Variants in LMBR1 observed in about 807,000 individuals in gnomAD.
LMBR1 encodes the protein limb development membrane protein 1.
LMBR1 carries 52 observed loss-of-function variants against 73.9 expected under a neutral mutation model. That is an observed-to-expected ratio of 0.70 (90% CI 0.56 to 0.89). The LOEUF is 0.89. Among genes scored for constraint, LMBR1 ranks in the 40% least tolerant of loss-of-function variants. The probability of loss-of-function intolerance (pLI) is 0.00; values close to 1 mark genes in which losing one functional copy is unlikely to be tolerated. For missense variants in LMBR1, 539 were observed against 579.8 expected, an observed-to-expected ratio of 0.93 and a Z score of 0.72; for synonymous variants, 215 against 209.4, an observed-to-expected ratio of 1.03 and a Z score of -0.23.
chr7:156,761,688 C>A (rs1328720167), intron 8 of LMBR1, among the ~76,000 whole-genome samples: 1 of 151,972 alleles, frequency 6.6e-6, no homozygotes, highest in East Asian at 1.9e-4. Flanking sequence ...AAACAAAAAA[C>A]TTAATAGGCC....
At chr7:156,726,423 A>C (rs1815772003) in intron 12 of LMBR1, among the ~76,000 whole-genome samples, 1 of 152,046 alleles carries the variant, frequency 6.6e-6, no homozygotes, top group African/African-American at 2.4e-5. Context: ...TTTCCTAAAC[A>C]ATTATCCCTA....
chr7:156,739,067 A>G (rs1818418869), intron 9 of LMBR1, among the ~76,000 whole-genome samples: 1 of 152,220 alleles, frequency 6.6e-6, no homozygotes, highest in African/African-American at 2.4e-5. Flanking sequence ...CAGCATTTCT[A>G]GACCTGCCCT....
chr7:156,879,663 C>CAA (rs751353773), intron 1 of LMBR1, among the ~76,000 whole-genome samples: 28,108 of 92,054 alleles, frequency 0.31, 3,896 homozygotes, highest in East Asian at 0.33. Flanking sequence ...GACTCTGTCT[C>CAA]AAAAAAAAAA....
intron 10 of LMBR1, among the ~76,000 whole-genome samples, chr7:156,731,736 A>G (rs2132466212): frequency 6.6e-6 from 1 of 152,296 alleles, no homozygotes; most frequent in Admixed American, 6.5e-5. Context: ...ATGAATTAGA[A>G]TACCAAAGAA....
chr7:156,880,880 T>C (rs1262480745), intron 1 of LMBR1, among the ~76,000 whole-genome samples: 2 of 152,202 alleles, frequency 1.3e-5, no homozygotes, highest in Admixed American at 6.5e-5. Context: ...CTCAAACTCC[T>C]GACCTCAGGC....
intron 5 of LMBR1, among the ~76,000 whole-genome samples, chr7:156,774,736 G>A (rs1293442004): frequency 6.6e-6 from 1 of 152,152 alleles, no homozygotes. Flanking sequence ...GGAGGCTGAG[G>A]CAGGAGAATC....
At chr7:156,890,253 G>C (rs10949611) in intron 1 of LMBR1, among the ~76,000 whole-genome samples, 69,679 of 151,920 alleles carry the variant, frequency 0.46, 16,175 homozygotes, top group East Asian at 0.61. Context: ...GAGAAAAGAA[G>C]AAGAGAACAT....
chr7:156,865,857 T>C (rs534480068), intron 1 of LMBR1, among the ~76,000 whole-genome samples: 19 of 152,268 alleles, frequency 1.2e-4, no homozygotes, highest in African/African-American at 4.1e-4. Context: ...TTTTAACAAA[T>C]GGTACTGGAA....
intron 4 of LMBR1, among the ~76,000 whole-genome samples, chr7:156,804,758 A>G (rs779475443): frequency 2.6e-5 from 4 of 152,010 alleles, no homozygotes; most frequent in Non-Finnish European, 5.9e-5. Context: ...TTTATAAGGT[A>G]TGTGATTTGT....
At chr7:156,781,474 G>A (rs1420409369) in intron 5 of LMBR1, among the ~76,000 whole-genome samples, 3 of 151,948 alleles carry the variant, frequency 2.0e-5, no homozygotes, top group African/African-American at 4.8e-5. Context: ...GGGTGGGCAG[G>A]TATCAGTGCA....
At chr7:156,771,375 A>G (rs1825151200) in intron 5 of LMBR1, among the ~76,000 whole-genome samples, 1 of 152,230 alleles carries the variant, frequency 6.6e-6, no homozygotes, top group Admixed American at 6.5e-5. Context: ...AATCACAATC[A>G]GAAGTGACAA....
chr7:156,795,604 T>G (rs1213737349), intron 5 of LMBR1, among the ~76,000 whole-genome samples: 1 of 152,168 alleles, frequency 6.6e-6, no homozygotes. Flanking sequence ...CAGGCTGGAG[T>G]GCAGTGACGC....
intron 1 of LMBR1, among the ~76,000 whole-genome samples, chr7:156,853,323 CTT>C (rs1385004879): frequency 3.3e-5 from 5 of 151,768 alleles, no homozygotes; most frequent in Non-Finnish European, 7.4e-5. Flanking sequence ...AAGCACATTC[CTT>C]TCTCTTTTAA....
intron 1 of LMBR1, among the ~76,000 whole-genome samples, chr7:156,884,058 T>C (rs1419667979): frequency 6.6e-6 from 1 of 152,236 alleles, no homozygotes; most frequent in Non-Finnish European, 1.5e-5. Context: ...TATACCTCTA[T>C]CCCATTCCTT....
At chr7:156,796,670 T>C (rs905866565) in intron 4 of LMBR1, among the ~76,000 whole-genome samples, 178 bp from the exon 5 acceptor site, 1 of 152,238 alleles carries the variant, frequency 6.6e-6, no homozygotes, top group African/African-American at 2.4e-5. Context: ...CATTGTAACT[T>C]GTACCTATTG....
intron 1 of LMBR1, among the ~76,000 whole-genome samples, chr7:156,867,048 A>G (rs1292852899): frequency 6.6e-6 from 1 of 152,248 alleles, no homozygotes; most frequent in Admixed American, 6.5e-5. Context: ...CAAATTATAT[A>G]AAGAATTCTT....
chr7:156,698,773 GT>G (rs1378891224), intron 15 of LMBR1, among the ~76,000 whole-genome samples: 2 of 152,110 alleles, frequency 1.3e-5, no homozygotes, highest in Non-Finnish European at 1.5e-5. Flanking sequence ...TGCCGTAAAG[GT>G]TTCTGACATG....
intron 5 of LMBR1, among the ~76,000 whole-genome samples, chr7:156,794,664 T>G (rs930545401): frequency 6.6e-6 from 1 of 152,182 alleles, no homozygotes; most frequent in Non-Finnish European, 1.5e-5. Flanking sequence ...ATGTCAAATA[T>G]GAAAATATAG....
chr7:156,826,748 G>A lies in LMBR1; in HGVS notation c.180-4C>T, dbSNP rs1218686788. ...AGTGAACGTGCTCAAAAACAACCTG[G>A]AAGAAAGGAGAGTCACCATCACAAG... On this transcript the variant is annotated splice_region_variant and splice_polypyrimidine_tract_variant and intron_variant, in intron 3 of 16. Transcript: ENST00000353442. 1.9e-6 allele frequency: 3 copies of A among 1,598,492 alleles called. No individual in the cohort carries two copies. Among genetic ancestry groups the A allele is most frequent in the Admixed American group, 3.4e-5 (2 of 58,700 alleles).
Sources: gnomAD v4.1 joint callset for allele counts (sites outside exome capture counted in the v4.1 genomes callset) on GRCh38, gnomAD v4.1.1 for gene constraint, MANE v1.5 for transcripts, NCBI Gene and HGNC (gene_info 2026-07-23, HGNC 2026-07-21) for gene names.